ASAP1: variants seen among roughly 807,000 people sequenced by gnomAD.
The protein encoded by ASAP1 is ArfGAP with SH3 domain, ankyrin repeat and PH domain 1.
ASAP1 carries 43 observed loss-of-function variants against 145.2 expected under a neutral mutation model. The ratio of observed to expected loss-of-function variants is 0.30; its 90% CI spans 0.23 to 0.38. ASAP1 has a LOEUF of 0.38. ASAP1 is among the 10% of genes least tolerant of loss of function. ASAP1 has a pLI of 1.00. For missense variants in ASAP1, 1,018 were observed against 1,355.3 expected (o/e 0.75, Z 3.91); for synonymous variants, 546 against 515.5 (o/e 1.06, Z -0.80).
At chr8:130,256,761 A>ATATATATATCCT (rs1554860250) in intron 3 of ASAP1, among the ~76,000 whole-genome samples, 12 of 98,150 alleles carry the variant, frequency 1.2e-4, no homozygotes, top group Non-Finnish European at 2.5e-4. Flanking sequence ...ATATATATAT[A>ATATATATATCCT]TATATATATA....
chr8:130,260,534 C>T (rs1363909025), intron 3 of ASAP1, among the ~76,000 whole-genome samples: 1 of 152,306 alleles, frequency 6.6e-6, no homozygotes, highest in Middle Eastern at 3.4e-3. Context: ...CCTAAGTTCA[C>T]ATAACTTGGA....
At chr8:130,268,319 C>G (rs528431961) in intron 3 of ASAP1, among the ~76,000 whole-genome samples, 7 of 151,850 alleles carry the variant, frequency 4.6e-5, no homozygotes, top group Non-Finnish European at 1.0e-4. Flanking sequence ...GACTTTGCCT[C>G]TACAAAAATA....
rs570757838 is a variant in ASAP1, at chr8:130,241,458, C to T, written c.187-4464G>A. On this transcript the variant is annotated intron_variant, in intron 3 of 29. Coordinates refer to ENST00000518721, the MANE Select transcript of ASAP1 (RefSeq NM_018482.4). The stretch of plus-strand genomic sequence containing the variant: ...ATGGCTGAGTTCCTAGTCCTAGTGT[C>T]TAGCACACAGTAGATGCTCAAAAAT... Among the ~76,000 whole-genome samples the T allele has an allele frequency of 2.0e-5, 3 of 152,212 alleles. No individual in the cohort carries two copies. The South Asian group carries it at 6.2e-4, about 32-fold the overall frequency.
chr8:130,068,606 T>C (rs1418788550), intron 27 of ASAP1, among the ~76,000 whole-genome samples: 3 of 152,208 alleles, frequency 2.0e-5, no homozygotes, highest in African/African-American at 7.2e-5. Flanking sequence ...AGCTCACTAT[T>C]GAACAACTGC....
chr8:130,339,762 T>C (rs1322116220), intron 3 of ASAP1, among the ~76,000 whole-genome samples: 1 of 152,216 alleles, frequency 6.6e-6, no homozygotes, highest in East Asian at 1.9e-4. Flanking sequence ...TCAGGACTGA[T>C]GAGAAATCTC....
At chr8:130,123,487 T>A (rs939965448) in intron 18 of ASAP1, among the ~76,000 whole-genome samples, 1 of 152,162 alleles carries the variant, frequency 6.6e-6, no homozygotes, top group Non-Finnish European at 1.5e-5. Flanking sequence ...TGCAACAACC[T>A]AGGGGAAGGT....
At chr8:130,402,747 C>T (rs151292146) in intron 1 of ASAP1, among the ~76,000 whole-genome samples, 97 of 152,196 alleles carry the variant, frequency 6.4e-4, no homozygotes, top group African/African-American at 2.2e-3. Flanking sequence ...TACTTTACTT[C>T]CTAAAGATCT....
chr8:130,343,140 T>C (rs893657749), intron 3 of ASAP1, among the ~76,000 whole-genome samples: 2 of 152,186 alleles, frequency 1.3e-5, no homozygotes, highest in Non-Finnish European at 2.9e-5. Flanking sequence ...CTTTAACCAT[T>C]TCCCCTTTTC....
At chr8:130,209,533 T>C (rs1816444102) in intron 5 of ASAP1, among the ~76,000 whole-genome samples, 1 of 149,280 alleles carries the variant, frequency 6.7e-6, no homozygotes, top group South Asian at 2.2e-4. Flanking sequence ...GTATTCTTCA[T>C]GGTCTTGCTC....
At chr8:130,110,429 G>C (rs1796551570) in intron 24 of ASAP1, among the ~76,000 whole-genome samples, 1 of 152,210 alleles carries the variant, frequency 6.6e-6, no homozygotes, top group South Asian at 2.1e-4. Context: ...ACAGTCCTCT[G>C]TAGGGTGCAG....
intron 3 of ASAP1, among the ~76,000 whole-genome samples, chr8:130,331,429 G>C (rs941153458): frequency 1.3e-5 from 2 of 152,128 alleles, no homozygotes; most frequent in Admixed American, 6.5e-5. Context: ...TCACTTCCCT[G>C]GGCATCAGCT....
rs977669040 is a variant in ASAP1, at chr8:130,403,525, T to C, written c.-27-1555A>G. 5.7e-4 allele frequency among the ~76,000 whole-genome samples: 87 copies of C among 151,806 alleles called. 1 individual carries two copies. The highest frequency in any genetic ancestry group is 1.1e-3 in the Non-Finnish European group (77 of 67,958). The stretch of plus-strand genomic sequence containing the variant: ...ATCCTGTCTACCAGGCACAATGCTG[T>C]AGCCATAAGACATTTTCTTTTTCTT... On this transcript the variant is annotated intron_variant, in intron 1 of 29. Transcript: ENST00000518721.
At chr8:130,127,124 C>T (rs1474838776) in intron 16 of ASAP1, among the ~76,000 whole-genome samples, 3 of 152,094 alleles carry the variant, frequency 2.0e-5, no homozygotes, top group East Asian at 1.9e-4. Flanking sequence ...TGGGAGAAGG[C>T]GACTTCAATG....
intron 3 of ASAP1, among the ~76,000 whole-genome samples, chr8:130,295,531 T>C (rs1457953218): frequency 6.6e-6 from 1 of 152,188 alleles, no homozygotes; most frequent in Non-Finnish European, 1.5e-5. Flanking sequence ...TACCTAGTTA[T>C]TGTGAGGTTT....
chr8:130,353,672 C>T (rs1826130850), intron 3 of ASAP1, among the ~76,000 whole-genome samples: 1 of 152,188 alleles, frequency 6.6e-6, no homozygotes, highest in Non-Finnish European at 1.5e-5. Context: ...GAGTTTGAGA[C>T]CAGCCTGGCC....
intron 28 of ASAP1, among the ~76,000 whole-genome samples, chr8:130,058,980 A>C (rs2097411082): frequency 6.6e-6 from 1 of 152,178 alleles, no homozygotes; most frequent in African/African-American, 2.4e-5. Context: ...ATGACATAAT[A>C]AAACTATATA....
chr8:130,139,273 G>A (rs766084839), intron 13 of ASAP1, among the ~76,000 whole-genome samples: 3 of 152,166 alleles, frequency 2.0e-5, no homozygotes, highest in Non-Finnish European at 4.4e-5. Flanking sequence ...GGAAGGTTGG[G>A]CAGCTGTTTT....
At chr8:130,066,596 C>T (rs1404128023) in intron 27 of ASAP1, among the ~76,000 whole-genome samples, 5 of 150,932 alleles carry the variant, frequency 3.3e-5, no homozygotes, top group African/African-American at 1.2e-4. Flanking sequence ...TTCTCTCTCT[C>T]TCCTTCCTTC....
chr8:130,101,727 G>C (rs1427681549), intron 24 of ASAP1, among the ~76,000 whole-genome samples: 1 of 55,964 alleles, frequency 1.8e-5, no homozygotes, highest in African/African-American at 9.2e-5. Flanking sequence ...TACCACACCT[G>C]GTTAATTTTT....
Sources: allele counts gnomAD v4.1 joint callset (sites outside exome capture counted in the v4.1 genomes callset), GRCh38; gene constraint gnomAD v4.1.1; transcripts MANE v1.5; gene names NCBI Gene and HGNC (gene_info 2026-07-23, HGNC 2026-07-21).